Variants in PCDHGB6 observed in about 807,000 individuals in gnomAD.
PCDHGB6 encodes the protein protocadherin gamma-B6.
PCDHGB6 carries 51 observed loss-of-function variants against 59.1 expected under a neutral mutation model. The ratio of observed to expected loss-of-function variants is 0.86; its 90% CI spans 0.69 to 1.09. PCDHGB6 has a LOEUF of 1.09. PCDHGB6 is among the 50% of genes least tolerant of loss of function. The pLI is 0.00. For missense variants in PCDHGB6, 1,148 were observed against 1,205.1 expected, an observed-to-expected ratio of 0.95 and a Z score of 0.70; for synonymous variants, 466 against 495.1, an observed-to-expected ratio of 0.94 and a Z score of 0.78.
intron 1 of PCDHGB6, among the ~76,000 whole-genome samples, chr5:141,433,805 C>T (rs1325364387): frequency 1.3e-5 from 2 of 150,004 alleles, no homozygotes; most frequent in South Asian, 4.2e-4. Flanking sequence ...CCATTGCACT[C>T]CAGCCTGGGC....
At chr5:141,419,974 C>T (rs368697962) in intron 1 of PCDHGB6, 3 of 1,613,962 alleles carry the variant, frequency 1.9e-6, no homozygotes, top group Non-Finnish European at 2.5e-6. Context: ...TCTTTCTCCT[C>T]GCGGTGATTC....
chr5:141,423,489 T>C (rs764165685), intron 1 of PCDHGB6: 1 of 1,614,016 alleles, frequency 6.2e-7, no homozygotes, highest in South Asian at 1.1e-5. Context: ...TGCAAACCTA[T>C]TCCCACGAGG....
Position 141,490,760 on chromosome 5 carries a change from T to G in PCDHGB6, c.2419-4047T>G. 1 of 1,614,070 alleles carries G rather than the reference T, an allele frequency of 6.2e-7. No individual in the cohort carries two copies. On this transcript the variant is annotated intron_variant, in intron 1 of 3. Coordinates refer to ENST00000520790, the MANE Select transcript of PCDHGB6 (RefSeq NM_018926.3). This position sits in a 1 kb window ranked among gnomAD's most constrained non-coding sequence, Gnocchi z 5.4. Reference sequence around the variant, plus strand: ...CAGGGAGCCCCAGCCTCCTCCTTTGTGTATGTCAACCCAGAGGATGGACGG... The same window carrying G: ...CAGGGAGCCCCAGCCTCCTCCTTTGGGTATGTCAACCCAGAGGATGGACGG...
intron 1 of PCDHGB6, chr5:141,430,826 CT>C (rs765096486): frequency 1.3e-6 from 2 of 1,550,416 alleles, no homozygotes; most frequent in East Asian, 2.2e-5. Flanking sequence ...CCTGGGGACT[CT>C]GTGGGAGACC....
In PCDHGB6 at chr5:141,493,233, G is replaced by T. The variant is rs1335823475; in HGVS notation, c.2419-1574G>T. ...TTTGCTCTTCCCACCATTGCTGTTG[G>T]CTAGGTACTAACATGCCTCTCTTAT... is the stretch of plus-strand genomic sequence containing the variant. On this transcript the variant is annotated intron_variant, in intron 1 of 3. Coordinates refer to ENST00000520790, the MANE Select transcript of PCDHGB6 (RefSeq NM_018926.3). This position sits in a 1 kb window ranked among gnomAD's most constrained non-coding sequence, Gnocchi z 4.3. 6.6e-6 allele frequency among the ~76,000 whole-genome samples: 1 copy of T among 152,172 alleles called. No homozygotes were observed. The highest frequency in any genetic ancestry group is 2.1e-4 in the South Asian group (1 of 4,828).
chr5:141,409,471 AG>A lies in PCDHGB6; in HGVS notation c.1270del (p.Ala424ProfsTer51). On this transcript the variant is annotated frameshift_variant, in exon 1 of 4. Coordinates refer to ENST00000520790, the MANE Select transcript of PCDHGB6 (RefSeq NM_018926.3). LOFTEE classifies it high-confidence loss of function. ...CACCAGAATACAATGTCACCATCGTAGCCACTGACAGGGGCAAGCCGCCTCT... is the reference window on the plus strand; with the variant it reads ...CACCAGAATACAATGTCACCATCGTACCACTGACAGGGGCAAGCCGCCTCT... ...QTPEYNVTIV[A>X]TDRGKPPLSS... 1 of 1,613,978 alleles carries A rather than the reference AG, an allele frequency of 6.2e-7. No homozygotes were observed. The highest frequency in any genetic ancestry group is 8.5e-7 in the Non-Finnish European group (1 of 1,179,896).
In PCDHGB6 at chr5:141,510,353, C is replaced by G. The variant is rs74759939; in HGVS notation, c.2567-594C>G. On this transcript the variant is annotated intron_variant, in intron 3 of 3. Transcript: ENST00000520790. ...CACCCCCACCCCACACACTTACTAA[C>G]GGAACTACCGAATCTCTACTCGTGC... is the stretch of plus-strand genomic sequence containing the variant. Among the ~76,000 whole-genome samples the G allele has an allele frequency of 1.9e-4, 28 of 146,588 alleles. No homozygotes were observed. The East Asian group carries it at 5.6e-3, about 29-fold the overall frequency.
In PCDHGB6 at chr5:141,410,095, C is replaced by T. The variant is rs2095356889; in HGVS notation, c.1893C>T (p.Ala631=). The T allele has an allele frequency of 1.2e-6, 2 of 1,612,676 alleles. No homozygotes were observed. The highest frequency in any genetic ancestry group is 1.7e-6 in the Non-Finnish European group (2 of 1,179,674). Residue 631 remains alanine (A), a synonymous_variant, in exon 1 of 4, where the codon GCC becomes GCT. Transcript: ENST00000520790. The part of the protein sequence containing the change: ...LRTGEVRTAR[A]LGDRDAARQR... ...CTGGGGAGGTGCGCACGGCTCGAGC[C>T]TTAGGCGACAGGGACGCAGCCCGCC... is the stretch of plus-strand genomic sequence containing the variant.
intron 1 of PCDHGB6, chr5:141,419,815 A>T: frequency 6.2e-7 from 1 of 1,613,988 alleles, no homozygotes. Context: ...GAGGACAGCC[A>T]CCCCTTTCAG....
In PCDHGB6 at chr5:141,486,336, G is replaced by A. The variant is rs534793835; in HGVS notation, c.2419-8471G>A. 3.8e-5 allele frequency: 61 copies of A among 1,613,992 alleles called. No individual in the cohort carries two copies. In the African/African-American group the frequency reaches 4.3e-4, roughly 11 times the overall value. On this transcript the variant is annotated intron_variant, in intron 1 of 3. Coordinates refer to ENST00000520790, the MANE Select transcript of PCDHGB6 (RefSeq NM_018926.3). The surrounding 1 kb of genome is among the most constrained non-coding windows in gnomAD (Gnocchi z 5.0). The stretch of plus-strand genomic sequence containing the variant: ...GGGTCAAACGGAGATGTGAGCCTCC[G>A]CATTCCTGACCACTTGCCATTTGCC...
intron 1 of PCDHGB6, chr5:141,478,873 T>C: frequency 7.8e-7 from 1 of 1,274,424 alleles, no homozygotes; most frequent in African/African-American, 1.5e-5. Context: ...GATCAGAGTT[T>C]AGCTTGGTAT....
chr5:141,477,777 A>G lies in PCDHGB6; in HGVS notation c.2419-17030A>G, dbSNP rs775845004. ...GTCCTAGCCACCAACATCAGCGTGA[A>G]CATATTTGTCACTGATCGCAATGAC... is the stretch of plus-strand genomic sequence containing the variant. On this transcript the variant is annotated intron_variant, in intron 1 of 3. Transcript: ENST00000520790. The surrounding 1 kb of genome is among the most constrained non-coding windows in gnomAD (Gnocchi z 4.9). The G allele has an allele frequency of 1.9e-4, 299 of 1,613,944 alleles. No homozygotes were observed. Among genetic ancestry groups the G allele is most frequent in the Non-Finnish European group, 2.5e-4 (295 of 1,180,048 alleles).
In PCDHGB6 at chr5:141,431,023, C is replaced by T. The variant is rs374655655; in HGVS notation, c.2418+20403C>T. 1 of 1,613,748 alleles carries T rather than the reference C, an allele frequency of 6.2e-7. No homozygotes were observed. On this transcript the variant is annotated intron_variant, in intron 1 of 3. Coordinates refer to ENST00000520790, the MANE Select transcript of PCDHGB6 (RefSeq NM_018926.3). This position sits in a 1 kb window ranked among gnomAD's most constrained non-coding sequence, Gnocchi z 4.8. Reference sequence around the variant, plus strand: ...GCAGCGGCAGCTTGGTCACGGCGGGCAGGATAGACCGGGAGGAGCTCTGTA... The same window carrying T: ...GCAGCGGCAGCTTGGTCACGGCGGGTAGGATAGACCGGGAGGAGCTCTGTA...
intron 1 of PCDHGB6, among the ~76,000 whole-genome samples, chr5:141,433,818 CA>C (rs2097653666): frequency 7.5e-6 from 1 of 133,558 alleles, no homozygotes; most frequent in African/African-American, 2.9e-5. Flanking sequence ...GCCTGGGCAA[CA>C]AGAGTGAAAC....
chr5:141,474,486 C>G (rs531956129), intron 1 of PCDHGB6, among the ~76,000 whole-genome samples: 11 of 152,326 alleles, frequency 7.2e-5, no homozygotes, highest in African/African-American at 2.4e-4. Context: ...TAAATGTATT[C>G]TATCTTCTAA....
intron 1 of PCDHGB6, chr5:141,413,378 T>G (rs2095632557): frequency 6.2e-7 from 1 of 1,613,616 alleles, no homozygotes; most frequent in Non-Finnish European, 8.5e-7. Context: ...GAGCGCGGAG[T>G]CCGCATAGTC....
intron 1 of PCDHGB6, among the ~76,000 whole-genome samples, chr5:141,472,409 C>T (rs2099279484): frequency 6.6e-6 from 1 of 152,016 alleles, no homozygotes; most frequent in South Asian, 2.1e-4. Flanking sequence ...GGCGTGGTGG[C>T]ACGCACCTGT....
chr5:141,431,002 C>A lies in PCDHGB6; in HGVS notation c.2418+20382C>A, dbSNP rs1055964066. The A allele has an allele frequency of 6.2e-7, 1 of 1,613,836 alleles. No individual in the cohort carries two copies. Among genetic ancestry groups the A allele is most frequent in the Admixed American group, 1.7e-5 (1 of 59,990 alleles). The stretch of plus-strand genomic sequence containing the variant: ...AGCTTTTCGCCCTGAATCCGCGCAG[C>A]GGCAGCTTGGTCACGGCGGGCAGGA... On this transcript the variant is annotated intron_variant, in intron 1 of 3. Transcript: ENST00000520790. The surrounding 1 kb of genome is among the most constrained non-coding windows in gnomAD (Gnocchi z 4.8).
At chr5:141,447,238 C>T (rs1028683423) in intron 1 of PCDHGB6, among the ~76,000 whole-genome samples, 1 of 152,148 alleles carries the variant, frequency 6.6e-6, no homozygotes, top group Non-Finnish European at 1.5e-5. Context: ...CTCCCGGGTT[C>T]AAGTGATTCT....
Sources: gnomAD v4.1 joint callset for allele counts (sites outside exome capture counted in the v4.1 genomes callset) on GRCh38, gnomAD v4.1.1 for gene constraint, Gnocchi (gnomAD v3.1) non-coding constraint, MANE v1.5 for transcripts, NCBI Gene and HGNC (gene_info 2026-07-23, HGNC 2026-07-21) for gene names.